NPHP4: variants seen among roughly 807,000 people sequenced by gnomAD.
NPHP4 encodes nephrocystin-4.
Under a neutral mutation model 155.8 loss-of-function variants are expected in NPHP4, and 151 were observed. The observed-to-expected ratio is 0.97, with a 90% CI of 0.85 to 1.11. The LOEUF is 1.11. Ranked by LOEUF, NPHP4 falls within the 50% of genes least tolerant of loss-of-function variation. NPHP4 has a pLI of 0.00. For synonymous variants in NPHP4, 845 were observed against 816.8 expected (o/e 1.03, Z -0.59); for missense variants, 1,956 against 1,925.7 (o/e 1.02, Z -0.29).
At chr1:5,951,985 G>C (rs1411381698) in intron 7 of NPHP4, among the ~76,000 whole-genome samples, 1 of 152,210 alleles carries the variant, frequency 6.6e-6, no homozygotes, top group Non-Finnish European at 1.5e-5. Context: ...CCCTCCCAGG[G>C]GCCACAGGCA....
At chr1:5,951,676 G>C (rs1388607643) in intron 7 of NPHP4, among the ~76,000 whole-genome samples, 1 of 152,230 alleles carries the variant, frequency 6.6e-6, no homozygotes, top group African/African-American at 2.4e-5. Flanking sequence ...ATTTGTGACA[G>C]TTCATCAGGC....
rs1172914524 is a variant in NPHP4 at position 5,867,496 on chromosome 1, C to T, written c.3472+244G>A. 5.0e-5 allele frequency: 29 copies of T among 577,778 alleles called. No individual in the cohort carries two copies. The highest frequency in any genetic ancestry group is 8.6e-5 in the Non-Finnish European group (28 of 324,778). The allele number at this position is 577,778 out of a possible 1,614,324, so 35.8% of individuals were successfully genotyped here. On this transcript the variant is annotated intron_variant, in intron 24 of 29. Coordinates refer to ENST00000378156, the MANE Select transcript of NPHP4 (RefSeq NM_015102.5). The surrounding 1 kb of genome is among the most constrained non-coding windows in gnomAD (Gnocchi z 4.1). Reference sequence around the variant, plus strand: ...TCCAGGCACACCTGGACCTGGGCCGCGGGAGCTGGGATTTTTTAGAAGGGC... The same window carrying T: ...TCCAGGCACACCTGGACCTGGGCCGTGGGAGCTGGGATTTTTTAGAAGGGC...
rs373686732 is a variant in NPHP4, at chr1:5,880,195, G to T, written c.2530C>A (p.Pro844Thr). ...QKVRGCSTLP[P>T]SRSRVISNDG... is the part of the protein sequence containing the mutation. ...TTTGAGATGACCCGAGATCTGGACG[G>T]TGGCAATGTGCTACAACCTCTCACT... is the stretch of plus-strand genomic sequence containing the variant. The change falls in exon 19 of 30, where the codon CCG becomes ACG. Residue 844 changes from proline (P) to threonine (T), a missense_variant. Transcript: ENST00000378156. 10 of 1,613,600 alleles carry T rather than the reference G, an allele frequency of 6.2e-6. No individual in the cohort carries two copies. In the African/African-American group the frequency reaches 1.1e-4, roughly 17 times the overall value.
chr1:5,879,775 GCGCACACACACACACACACGCAAA>G (rs1386768663), intron 19 of NPHP4: 2 of 328,444 alleles, frequency 6.1e-6, no homozygotes, highest in Non-Finnish European at 1.2e-5. Flanking sequence ...CACGAATGGT[GCGCACACACACACACACACGCAAA>G]CACACACACA....
chr1:5,866,599 G>A, intron 25 of NPHP4, 141 bp from the exon 26 acceptor site: 1 of 631,000 alleles, frequency 1.6e-6, no homozygotes, highest in Non-Finnish European at 2.9e-6. Flanking sequence ...ATACCAATCG[G>A]AATTCACTAT....
In NPHP4 at chr1:5,967,400, G is replaced by T. The variant is rs767461235; in HGVS notation, c.453-37C>A. The T allele has an allele frequency of 2.6e-6, 4 of 1,538,012 alleles. No individual in the cohort carries two copies. The African/African-American group carries it at 5.5e-5, about 21-fold the overall frequency. Reference sequence around the variant, plus strand: ...GACCCAGAGAACAGTCGTCAGCCACGTGCGCACTTCTCAGAAGGAAAGCAC... The same window carrying T: ...GACCCAGAGAACAGTCGTCAGCCACTTGCGCACTTCTCAGAAGGAAAGCAC... On this transcript the variant is annotated intron_variant, in intron 4 of 29. Coordinates refer to ENST00000378156, the MANE Select transcript of NPHP4 (RefSeq NM_015102.5).
At chr1:5,967,390 C>A in intron 4 of NPHP4, 27 bp from the exon 5 acceptor site, 1 of 1,571,166 alleles carries the variant, frequency 6.4e-7, no homozygotes, top group Non-Finnish European at 8.7e-7. Flanking sequence ...AGAGAACAGT[C>A]GTCAGCCACG....
intron 13 of NPHP4, 123 bp downstream of exon 13, chr1:5,906,992 C>T (rs1422694777): frequency 3.9e-6 from 2 of 510,498 alleles, no homozygotes; most frequent in Non-Finnish European, 7.0e-6. Context: ...CCACCCACAT[C>T]CCAGGTAACC....
chr1:5,863,059 G>A lies in NPHP4; in HGVS notation c.*206C>T, dbSNP rs1052354263. The A allele has an allele frequency of 1.6e-5, 10 of 606,386 alleles. No homozygotes were observed. The highest frequency in any genetic ancestry group is 1.1e-4 in the African/African-American group (6 of 54,458). The allele number at this position is 606,386 out of a possible 1,614,324, so 37.6% of individuals were successfully genotyped here. A position where few individuals can be genotyped will look rare whatever the true frequency, so the allele number is the denominator to read the frequency against. ...GTTCGCGCTCACGGAACCCAGGCCT[G>A]CTGGGTGTCAGCAGCAGCTAAGCTG... On this transcript the variant is annotated 3_prime_UTR_variant, in exon 30 of 30. Coordinates refer to ENST00000378156, the MANE Select transcript of NPHP4 (RefSeq NM_015102.5).
At chr1:5,878,480 C>T (rs1642853801) in intron 19 of NPHP4, among the ~76,000 whole-genome samples, 1 of 152,318 alleles carries the variant, frequency 6.6e-6, no homozygotes, top group East Asian at 1.9e-4. Context: ...ATCACCCCAA[C>T]AAATACCTCT....
At chr1:5,964,087 G>C (rs553679680) in intron 5 of NPHP4, among the ~76,000 whole-genome samples, 11 of 152,218 alleles carry the variant, frequency 7.2e-5, no homozygotes, top group African/African-American at 2.4e-4. Flanking sequence ...TGTAAAAAGA[G>C]TGAGTGCTTT....
intron 11 of NPHP4, among the ~76,000 whole-genome samples, chr1:5,909,476 C>T (rs1645072760): frequency 1.3e-5 from 2 of 152,200 alleles, no homozygotes; most frequent in African/African-American, 4.8e-5. Flanking sequence ...CCTGGGCCAG[C>T]AGGTCTCACA....
intron 16 of NPHP4, among the ~76,000 whole-genome samples, chr1:5,897,711 C>A (rs1463364543): frequency 6.6e-6 from 1 of 152,004 alleles, no homozygotes; most frequent in Admixed American, 6.6e-5. Flanking sequence ...ATACAGGAAA[C>A]CGGGCTGGAT....
intron 6 of NPHP4, among the ~76,000 whole-genome samples, chr1:5,954,148 A>C (rs1406192569): frequency 6.6e-6 from 1 of 152,230 alleles, no homozygotes; most frequent in Non-Finnish European, 1.5e-5. Flanking sequence ...AAATAATCAA[A>C]GACAGAAGCA....
At chr1:5,975,489 C>T (rs778315488) in intron 3 of NPHP4, among the ~76,000 whole-genome samples, 1 of 152,182 alleles carries the variant, frequency 6.6e-6, no homozygotes, top group Non-Finnish European at 1.5e-5. Context: ...CCTTCTTCAG[C>T]GATTCCAAGT....
At chr1:5,877,498 C>G (rs1284644248) in intron 19 of NPHP4, 200 bp from the exon 20 acceptor site, 1 of 418,750 alleles carries the variant, frequency 2.4e-6, no homozygotes, top group African/African-American at 2.0e-5. Flanking sequence ...CACAGCATCC[C>G]CTCCTTTCCT....
Position 5,967,239 on chromosome 1 carries a change from G to A in NPHP4, c.517+60C>T, listed in dbSNP as rs376598393. ...AGATCCCATTCAGAGCTAAAGGTGG[G>A]GAACACTCAGGGAAGGCACGAGAGC... On this transcript the variant is annotated intron_variant, in intron 5 of 29. Transcript: ENST00000378156. The A allele has an allele frequency of 8.7e-4, 1,109 of 1,275,038 alleles. 7 individuals carry two copies. The Middle Eastern group carries it at 0.015, about 17-fold the overall frequency. The allele number at this position is 1,275,038 out of a possible 1,614,324, so 79.0% of individuals were successfully genotyped here.
chr1:5,867,963 TAGAC>T lies in NPHP4; in HGVS notation c.3316-71_3316-68del, dbSNP rs754224736. 11 of 1,531,768 alleles carry T rather than the reference TAGAC, an allele frequency of 7.2e-6. No individual in the cohort carries two copies. Among genetic ancestry groups the T allele is most frequent in the East Asian group, 2.2e-5 (1 of 44,478 alleles). The allele number at this position is 1,531,768 out of a possible 1,614,324, so 94.9% of individuals were successfully genotyped here. On this transcript the variant is annotated intron_variant, in intron 23 of 29. Transcript: ENST00000378156. This position sits in a 1 kb window ranked among gnomAD's most constrained non-coding sequence, Gnocchi z 4.1. ...TTGTGAGCAGCTTCTTGTCCCTCCT[TAGAC>T]AGCACACGTATCTCCACTGTTGCCA... is the stretch of plus-strand genomic sequence containing the variant.
intron 10 of NPHP4, among the ~76,000 whole-genome samples, chr1:5,928,452 C>T (rs1278972395): frequency 6.6e-6 from 1 of 152,194 alleles, no homozygotes; most frequent in African/African-American, 2.4e-5. Flanking sequence ...GTTTATTTAT[C>T]CATTCACTCA....
Sources: allele counts gnomAD v4.1 joint callset (sites outside exome capture counted in the v4.1 genomes callset), GRCh38; gene constraint gnomAD v4.1.1; non-coding constraint Gnocchi (gnomAD v3.1); transcripts MANE v1.5; gene names NCBI Gene and HGNC (gene_info 2026-07-23, HGNC 2026-07-21).